LARP1B: variants seen among roughly 807,000 people sequenced by gnomAD.
LARP1B encodes la-related protein 1B.
Under a neutral mutation model 114.2 loss-of-function variants are expected in LARP1B, and 76 were observed. The ratio of observed to expected loss-of-function variants is 0.67; its 90% confidence interval spans 0.55 to 0.81. The LOEUF (loss-of-function observed/expected upper bound fraction) is 0.81, where lower values mean the gene tolerates loss of function less well. LARP1B is among the 30% of genes least tolerant of loss of function. The pLI, the probability that LARP1B is intolerant of heterozygous loss-of-function variation, is 0.00. For synonymous variants in LARP1B, 345 were observed against 348.0 expected, an observed-to-expected ratio of 0.99 and a Z score of 0.10; for missense variants, 1,014 against 1,075.8, an observed-to-expected ratio of 0.94 and a Z score of 0.80.
chr4:128,172,936 A>AGT lies in LARP1B; in HGVS notation c.1649-3936_1649-3935insGT, dbSNP rs1452279399. ...ACAGAGTCTATTTTTAATCCCATCC[A>AGT]ATGTGTGTGTGTGTGTGTGTGTGTG... On this transcript the variant is annotated intron_variant, in intron 12 of 19. Coordinates refer to ENST00000326639, the MANE Select transcript of LARP1B (RefSeq NM_018078.4). Among the ~76,000 whole-genome samples the AGT allele has an allele frequency of 1.1e-4, 9 of 79,266 alleles. No homozygotes were observed. The East Asian group carries it at 2.6e-3, about 23-fold the overall frequency. 52.0% of individuals were successfully genotyped at this position (79,266 alleles called of 152,430 possible). A position where few individuals can be genotyped will look rare whatever the true frequency, so the allele number is the denominator to read the frequency against.
In LARP1B at chr4:128,210,467, G is replaced by C. The variant is rs1758784649; in HGVS notation, c.*414G>C. 1.0e-6 allele frequency: 1 copy of C among 993,960 alleles called. No homozygotes were observed. Among genetic ancestry groups the C allele is most frequent in the African/African-American group, 1.7e-5 (1 of 57,406 alleles). 61.6% of individuals were successfully genotyped at this position (993,960 alleles called of 1,614,324 possible). ...TATAGTATGTTGTATTCTCTTCTTA[G>C]AGCTTTCTTAAAGAATCCACAATCC... is the stretch of plus-strand genomic sequence containing the variant. On this transcript the variant is annotated 3_prime_UTR_variant, in exon 20 of 20. Coordinates refer to ENST00000326639, the MANE Select transcript of LARP1B (RefSeq NM_018078.4).
At chr4:128,153,056 C>T (rs1410087294) in intron 11 of LARP1B, among the ~76,000 whole-genome samples, 1 of 132,062 alleles carries the variant, frequency 7.6e-6, no homozygotes, top group African/African-American at 2.8e-5. Context: ...AACCTTGGCT[C>T]ACTGCAACCT....
chr4:128,063,528 C>G (rs992524397), intron 1 of LARP1B, among the ~76,000 whole-genome samples: 2 of 151,436 alleles, frequency 1.3e-5, no homozygotes, highest in South Asian at 2.1e-4. Flanking sequence ...GCCTGTAATC[C>G]CAGCACTTTG....
At chr4:128,069,675 A>G (rs1277771888) in intron 1 of LARP1B, 2 of 480,774 alleles carry the variant, frequency 4.2e-6, no homozygotes, top group Non-Finnish European at 7.5e-6. Context: ...TAAAATCACA[A>G]TATGGGTTTA....
chr4:128,106,361 G>A (rs1782093997), intron 8 of LARP1B, among the ~76,000 whole-genome samples: 1 of 152,164 alleles, frequency 6.6e-6, no homozygotes, highest in Non-Finnish European at 1.5e-5. Flanking sequence ...CAGCTAAAAT[G>A]TAGTGGGCTT....
At chr4:128,068,730 T>C (rs1295553667) in intron 1 of LARP1B, among the ~76,000 whole-genome samples, 1 of 152,136 alleles carries the variant, frequency 6.6e-6, no homozygotes, top group Non-Finnish European at 1.5e-5. Flanking sequence ...TTTCCCTCTT[T>C]TAAATAATTT....
intron 10 of LARP1B, among the ~76,000 whole-genome samples, chr4:128,118,331 A>G (rs1247864935): frequency 6.8e-6 from 1 of 147,092 alleles, no homozygotes; most frequent in Non-Finnish European, 1.5e-5. Flanking sequence ...TCCCGGGTTC[A>G]TGCCATTCTC....
At chr4:128,099,669 T>C (rs1779565076) in intron 8 of LARP1B, among the ~76,000 whole-genome samples, 1 of 152,024 alleles carries the variant, frequency 6.6e-6, no homozygotes, top group Admixed American at 6.6e-5. Flanking sequence ...TTTATGGTTT[T>C]GGAGAGTGTG....
intron 19 of LARP1B, among the ~76,000 whole-genome samples, chr4:128,209,195 G>T (rs1235230807): frequency 6.6e-6 from 1 of 152,170 alleles, no homozygotes; most frequent in East Asian, 1.9e-4. Context: ...GAGGCGGGTG[G>T]ATCGCCTGAG....
intron 11 of LARP1B, chr4:128,155,667 T>C (rs1422677917): frequency 6.3e-7 from 1 of 1,588,532 alleles, no homozygotes; most frequent in Non-Finnish European, 8.6e-7. Flanking sequence ...CAGTGGTGTG[T>C]CCAAGGCCTT....
At chr4:128,172,782 A>G (rs1191171680) in intron 12 of LARP1B, among the ~76,000 whole-genome samples, 1 of 151,918 alleles carries the variant, frequency 6.6e-6, no homozygotes, top group Admixed American at 6.6e-5. Flanking sequence ...AATTTATATT[A>G]GGGCACTTGA....
At chr4:128,166,968 C>CTATATATATA (rs1402176736) in intron 12 of LARP1B, among the ~76,000 whole-genome samples, 1 of 81,038 alleles carries the variant, frequency 1.2e-5, no homozygotes, top group African/African-American at 5.2e-5. Context: ...CTCTCTCTCT[C>CTATATATATA]TCTATATATA....
chr4:128,068,963 T>C (rs546949483), intron 1 of LARP1B: 60 of 609,566 alleles, frequency 9.8e-5, no homozygotes, highest in African/African-American at 9.0e-4. Flanking sequence ...TAAGCAGACA[T>C]GATTGTCCTA....
Position 128,211,432 on chromosome 4 carries a change from TA to T in LARP1B, c.*1380del. 3 of 916,482 alleles carry T rather than the reference TA, an allele frequency of 3.3e-6. No individual in the cohort carries two copies. Among genetic ancestry groups the T allele is most frequent in the Non-Finnish European group, 3.9e-6 (3 of 767,294 alleles). 56.8% of individuals were successfully genotyped at this position (916,482 alleles called of 1,614,324 possible). A position where few individuals can be genotyped will look rare whatever the true frequency, so the allele number is the denominator to read the frequency against. ...GATGGATGGGCTGTTAATTTGTAAA[TA>T]GGTTTTCATTAAGTTATTTCTCATG... On this transcript the variant is annotated 3_prime_UTR_variant, in exon 20 of 20. Coordinates refer to ENST00000326639, the MANE Select transcript of LARP1B (RefSeq NM_018078.4).
intron 1 of LARP1B, among the ~76,000 whole-genome samples, chr4:128,072,092 T>G (rs1161829697): frequency 6.6e-6 from 1 of 151,980 alleles, no homozygotes; most frequent in African/African-American, 2.4e-5. Context: ...CTCTACCTCC[T>G]GGGTTCAAGC....
intron 1 of LARP1B, among the ~76,000 whole-genome samples, chr4:128,065,305 CTTTCTTTCTT>C (rs60651805): frequency 0.037 from 4,286 of 117,342 alleles, 141 homozygotes; most frequent in East Asian, 0.049. Flanking sequence ...TTCTTTCTTT[CTTTCTTTCTT>C]TCTCTCTCTC....
chr4:128,137,784 T>C (rs1726044015), intron 11 of LARP1B, among the ~76,000 whole-genome samples: 1 of 78,854 alleles, frequency 1.3e-5, no homozygotes. Flanking sequence ...TATATATATA[T>C]ATATATATTT....
chr4:128,152,358 C>T (rs1733218403), intron 11 of LARP1B, among the ~76,000 whole-genome samples: 1 of 151,730 alleles, frequency 6.6e-6, no homozygotes, highest in African/African-American at 2.4e-5. Flanking sequence ...CGCATACCAC[C>T]ACGCCCAGCT....
chr4:128,093,964 G>A (rs189773347), intron 7 of LARP1B, among the ~76,000 whole-genome samples: 131 of 151,820 alleles, frequency 8.6e-4, no homozygotes, highest in African/African-American at 2.9e-3. Flanking sequence ...ACCCACATCA[G>A]CTTCCCAGAG....
Sources: allele counts gnomAD v4.1 joint callset (sites outside exome capture counted in the v4.1 genomes callset), GRCh38; gene constraint gnomAD v4.1.1; transcripts MANE v1.5; gene names NCBI Gene and HGNC (gene_info 2026-07-23, HGNC 2026-07-21).